SLC24A2: variants seen among roughly 807,000 people sequenced by gnomAD.
SLC24A2 encodes the protein solute carrier family 24 member 2, also known as sodium/potassium/calcium exchanger 2.
Under a neutral mutation model 62.0 loss-of-function variants are expected in SLC24A2, and 36 were observed. The observed-to-expected ratio is 0.58, with a 90% CI of 0.44 to 0.77. SLC24A2 has a LOEUF of 0.77. Ranked by LOEUF, SLC24A2 falls within the 30% of genes least tolerant of loss-of-function variation. The pLI is 0.00. For synonymous variants in SLC24A2, 358 were observed against 294.0 expected (o/e 1.22, Z -2.23); for missense variants, 846 against 817.9 (o/e 1.03, Z -0.42).
intron 8 of SLC24A2, among the ~76,000 whole-genome samples, chr9:19,536,026 G>C (rs889413875): frequency 2.6e-5 from 4 of 151,922 alleles, no homozygotes; most frequent in Non-Finnish European, 5.9e-5. Flanking sequence ...TTGAGCAGTG[G>C]TTTGCAGTTC....
At chr9:19,669,582 C>T (rs1025335104) in intron 2 of SLC24A2, among the ~76,000 whole-genome samples, 1 of 152,346 alleles carries the variant, frequency 6.6e-6, no homozygotes, top group Admixed American at 6.5e-5. Flanking sequence ...AGGGCTGATA[C>T]TTGCCTTCAG....
At chr9:19,675,951 T>C (rs962384419) in intron 2 of SLC24A2, among the ~76,000 whole-genome samples, 26 of 152,208 alleles carry the variant, frequency 1.7e-4, no homozygotes, top group African/African-American at 5.5e-4. Context: ...TTCCAGTTCC[T>C]CTGGCAGCAC....
intron 2 of SLC24A2, among the ~76,000 whole-genome samples, chr9:19,721,813 C>T (rs1046631978): frequency 1.3e-5 from 2 of 152,068 alleles, no homozygotes; most frequent in Admixed American, 6.6e-5. Flanking sequence ...AACTTTATTT[C>T]CTTTGTGAGC....
intron 9 of SLC24A2, among the ~76,000 whole-genome samples, chr9:19,526,420 T>G (rs1372382680): frequency 6.6e-6 from 1 of 152,246 alleles, no homozygotes; most frequent in Non-Finnish European, 1.5e-5. Context: ...TTTGTGGAAC[T>G]GCCAAACTAT....
At chr9:20,243,585 G>T in the SLC24A2 span, among the ~76,000 whole-genome samples, 3 of 151,908 alleles carry the variant, frequency 2.0e-5, no homozygotes, top group Admixed American at 6.6e-5. Flanking sequence ...TACACATACA[G>T]ACACACACAC....
At chr9:19,961,047 T>A in the SLC24A2 span, among the ~76,000 whole-genome samples, 2 of 148,858 alleles carry the variant, frequency 1.3e-5, no homozygotes, top group African/African-American at 5.0e-5. Context: ...TGTGTGTGTG[T>A]GTGTGAGTGA....
At chr9:19,873,612 T>C in the SLC24A2 span, among the ~76,000 whole-genome samples, 7 of 151,884 alleles carry the variant, frequency 4.6e-5, no homozygotes, top group Admixed American at 3.3e-4. Context: ...TCTCTTTCCT[T>C]TTTCTTTCCT....
chr9:19,534,789 T>C (rs930422775), intron 8 of SLC24A2, among the ~76,000 whole-genome samples: 4 of 152,234 alleles, frequency 2.6e-5, no homozygotes, highest in African/African-American at 9.6e-5. Context: ...TCCAAGTCTT[T>C]GCTATTGTGA....
At chr9:19,826,454 C>T in the SLC24A2 span, among the ~76,000 whole-genome samples, 2 of 151,890 alleles carry the variant, frequency 1.3e-5, no homozygotes, top group Admixed American at 1.3e-4. Context: ...ATTCATGCTG[C>T]CACAAAAAAA....
chr9:19,786,606 G>C lies in SLC24A2; in HGVS notation c.261C>G (p.Leu87=). ...RVAQGYHQRT[L]LDLNDKILDY... is the part of the protein sequence containing the mutation. ...CCAGAATCTTGTCATTTAAATCTAA[G>C]AGAGTTCTCTGATGGTAACCCTGTG... Residue 87 remains leucine (L), a synonymous_variant, in exon 2 of 11, where the codon CTC becomes CTG. Coordinates refer to ENST00000341998, the MANE Select transcript of SLC24A2 (RefSeq NM_020344.4). The surrounding 1 kb of genome is among the most constrained non-coding windows in gnomAD (Gnocchi z 5.0). The C allele has an allele frequency of 6.2e-7, 1 of 1,614,132 alleles. No individual in the cohort carries two copies. Among genetic ancestry groups the C allele is most frequent in the African/African-American group, 1.3e-5 (1 of 75,032 alleles).
At chr9:19,958,489 G>A in the SLC24A2 span, among the ~76,000 whole-genome samples, 3 of 152,206 alleles carry the variant, frequency 2.0e-5, no homozygotes, top group Non-Finnish European at 4.4e-5. Flanking sequence ...AAGCCACGGT[G>A]TGCACGGCAC....
At chr9:20,002,780 C>G in the SLC24A2 span, among the ~76,000 whole-genome samples, 1 of 152,180 alleles carries the variant, frequency 6.6e-6, no homozygotes, top group East Asian at 1.9e-4. Context: ...TTCCTCCCTC[C>G]TTGCCCACTG....
At chr9:19,918,468 G>A in the SLC24A2 span, among the ~76,000 whole-genome samples, 4 of 150,034 alleles carry the variant, frequency 2.7e-5, no homozygotes, top group East Asian at 2.0e-4. Flanking sequence ...GATTCATTCC[G>A]TGCAGGTTCC....
the SLC24A2 span, among the ~76,000 whole-genome samples, chr9:20,040,274 A>G: frequency 1.3e-5 from 2 of 152,230 alleles, no homozygotes; most frequent in Non-Finnish European, 2.9e-5. Context: ...TTGTTGTAAT[A>G]AATAGAACAA....
chr9:19,778,176 T>C (rs908230562), intron 2 of SLC24A2, among the ~76,000 whole-genome samples: 5 of 152,206 alleles, frequency 3.3e-5, no homozygotes, highest in Non-Finnish European at 5.9e-5. Flanking sequence ...AATATATTAC[T>C]CCCTAAAATG....
the SLC24A2 span, among the ~76,000 whole-genome samples, chr9:20,175,560 A>T: frequency 6.6e-6 from 1 of 152,066 alleles, no homozygotes; most frequent in Non-Finnish European, 1.5e-5. Flanking sequence ...TATATGTGGG[A>T]AAATTATTAT....
chr9:19,671,035 T>C (rs1441868753), intron 2 of SLC24A2, among the ~76,000 whole-genome samples: 1 of 71,490 alleles, frequency 1.4e-5, no homozygotes, highest in Non-Finnish European at 3.9e-5. Flanking sequence ...TCAAAGAGCT[T>C]TCCTAAACAG....
the SLC24A2 span, among the ~76,000 whole-genome samples, chr9:20,169,941 G>A: frequency 3.0e-4 from 45 of 152,030 alleles, no homozygotes; most frequent in Admixed American, 2.6e-3. Flanking sequence ...AGTGATACAA[G>A]AAGTGAAGGG....
Position 19,528,090 on chromosome 9 carries a change from T to A in SLC24A2, c.1528A>T (p.Ile510Phe). The change falls in exon 9 of 11, where the codon ATT (isoleucine) becomes TTT (phenylalanine). Residue 510 changes from isoleucine to phenylalanine, a missense_variant. Transcript: ENST00000341998. ...ACCATCAAGTAAGAGAATACTGCAATCCAGGTAATGGAGCCAAAGAACGTG... is the reference window on the plus strand; with the variant it reads ...ACCATCAAGTAAGAGAATACTGCAAACCAGGTAATGGAGCCAAAGAACGTG... ...PITFFGSITW[I>F]AVFSYLMVWW... 1 of 1,598,852 alleles carries A rather than the reference T, an allele frequency of 6.3e-7. No homozygotes were observed. Among genetic ancestry groups the A allele is most frequent in the African/African-American group, 1.3e-5 (1 of 74,834 alleles).
Sources: gnomAD v4.1 joint callset for allele counts (sites outside exome capture counted in the v4.1 genomes callset) on GRCh38, gnomAD v4.1.1 for gene constraint, Gnocchi (gnomAD v3.1) non-coding constraint, MANE v1.5 for transcripts, NCBI Gene and HGNC (gene_info 2026-07-23, HGNC 2026-07-21) for gene names.